MCUB: variants seen among roughly 807,000 people sequenced by gnomAD.
MCUB encodes mitochondrial calcium uniporter dominant negative subunit beta, also known as calcium uniporter regulatory subunit MCUb, mitochondrial.
Under a neutral mutation model 41.4 loss-of-function variants are expected in MCUB, and 46 were observed. The ratio of observed to expected loss-of-function variants is 1.11; its 90% CI spans 0.88 to 1.42. The LOEUF (loss-of-function observed/expected upper bound fraction) is 1.42, where lower values mean the gene tolerates loss of function less well. MCUB is among the 40% of genes most tolerant of loss of function. MCUB has a pLI of 0.00. For synonymous variants in MCUB, 148 were observed against 148.2 expected (o/e 1.00, Z 0.01); for missense variants, 403 against 404.9 (o/e 1.00, Z 0.04).
chr4:109,629,670 A>G (rs1345356959), intron 1 of MCUB, among the ~76,000 whole-genome samples: 1 of 152,184 alleles, frequency 6.6e-6, no homozygotes, highest in Non-Finnish European at 1.5e-5. Flanking sequence ...CTCGTTTACT[A>G]TATAGGATAT....
At position 109,602,773 on chromosome 4, in the gene MCUB, A is replaced by T. The variant is rs1345883203; in HGVS notation, c.99+42337A>T. Among the ~76,000 whole-genome samples, 13 of 152,332 alleles carry T rather than the reference A, an allele frequency of 8.5e-5. No homozygotes were observed. The South Asian group carries it at 2.7e-3, about 32-fold the overall frequency. ...TCATTGGCATTTTGATAGGGATTGCATGGAATCTGTAGATTGCTTTGGTAA... is the reference window on the plus strand; with the variant it reads ...TCATTGGCATTTTGATAGGGATTGCTTGGAATCTGTAGATTGCTTTGGTAA... On this transcript the variant is annotated intron_variant, in intron 1 of 7. Transcript: ENST00000394650.
intron 1 of MCUB, among the ~76,000 whole-genome samples, chr4:109,569,023 C>A (rs1259028451): frequency 6.6e-6 from 1 of 152,134 alleles, no homozygotes; most frequent in Admixed American, 6.6e-5. Context: ...ATACATATTA[C>A]ATTTTCTATT....
intron 1 of MCUB, among the ~76,000 whole-genome samples, chr4:109,630,418 T>TA: frequency 6.6e-6 from 1 of 152,270 alleles, no homozygotes; most frequent in Non-Finnish European, 1.5e-5. Context: ...GCTATGATCA[T>TA]ACCTCTACAT....
intron 4 of MCUB, among the ~76,000 whole-genome samples, chr4:109,675,422 T>C (rs1729550659): frequency 6.6e-6 from 1 of 152,334 alleles, no homozygotes; most frequent in East Asian, 1.9e-4. Context: ...CCACACACAC[T>C]AAGAGAGTTG....
At chr4:109,665,481 GCAAACTCTAC>G (rs1219970337) in intron 4 of MCUB, among the ~76,000 whole-genome samples, 1 of 152,094 alleles carries the variant, frequency 6.6e-6, no homozygotes, top group Non-Finnish European at 1.5e-5. Flanking sequence ...ATAGGGCCAG[GCAAACTCTAC>G]CAAACTCTAC....
intron 1 of MCUB, among the ~76,000 whole-genome samples, chr4:109,609,065 ATC>A (rs58016825): frequency 0.29 from 44,163 of 150,694 alleles, 6,647 homozygotes; most frequent in African/African-American, 0.36. Context: ...GACAAATGGG[ATC>A]TCTCTCTCTC....
intron 1 of MCUB, among the ~76,000 whole-genome samples, chr4:109,632,168 T>C (rs1728487900): frequency 6.6e-6 from 1 of 152,206 alleles, no homozygotes; most frequent in African/African-American, 2.4e-5. Context: ...GTCAGTGTAC[T>C]TTCTCTGTGA....
intron 1 of MCUB, chr4:109,648,659 A>C (rs1473688975): frequency 2.1e-5 from 9 of 436,202 alleles, no homozygotes; most frequent in Non-Finnish European, 4.1e-5. Flanking sequence ...GGCAAGTAAG[A>C]GTTCATCAAA....
intron 3 of MCUB, among the ~76,000 whole-genome samples, chr4:109,663,797 A>G (rs1729277947): frequency 6.6e-6 from 1 of 152,230 alleles, no homozygotes; most frequent in African/African-American, 2.4e-5. Flanking sequence ...GAGTATGTCA[A>G]CAGGCTCTCA....
chr4:109,577,229 C>T (rs552914215), intron 1 of MCUB, among the ~76,000 whole-genome samples: 1 of 152,300 alleles, frequency 6.6e-6, no homozygotes, highest in East Asian at 1.9e-4. Context: ...ATCCTCAGTC[C>T]AGGTTAAAAC....
intron 1 of MCUB, among the ~76,000 whole-genome samples, chr4:109,598,807 C>T (rs1272451375): frequency 6.6e-6 from 1 of 152,124 alleles, no homozygotes; most frequent in Non-Finnish European, 1.5e-5. Flanking sequence ...GTTGTTCTTT[C>T]CATAGTCAAA....
chr4:109,632,131 C>A (rs1211346627), intron 1 of MCUB, among the ~76,000 whole-genome samples: 2 of 152,160 alleles, frequency 1.3e-5, no homozygotes, highest in East Asian at 3.8e-4. Flanking sequence ...TACATCCCTC[C>A]ATTATTGAAA....
intron 1 of MCUB, among the ~76,000 whole-genome samples, chr4:109,654,483 C>T (rs1486634478): frequency 4.6e-5 from 7 of 151,820 alleles, no homozygotes; most frequent in South Asian, 4.2e-4. Flanking sequence ...TCGTGGTGGG[C>T]GCCTGTAATC....
intron 1 of MCUB, among the ~76,000 whole-genome samples, chr4:109,598,476 A>G (rs944053162): frequency 7.2e-5 from 11 of 151,930 alleles, no homozygotes; most frequent in Admixed American, 3.9e-4. Context: ...CGTGCCTGCA[A>G]TCGCAGGCAC....
chr4:109,609,292 G>A (rs975990720), intron 1 of MCUB, among the ~76,000 whole-genome samples: 1 of 152,184 alleles, frequency 6.6e-6, no homozygotes, highest in African/African-American at 2.4e-5. Flanking sequence ...GCTGCTGGTT[G>A]CCCATTTTTA....
chr4:109,673,222 C>T (rs1445804441), intron 4 of MCUB, among the ~76,000 whole-genome samples: 1 of 152,200 alleles, frequency 6.6e-6, no homozygotes, highest in African/African-American at 2.4e-5. Flanking sequence ...CTTTCACTTG[C>T]TGTTCTTTGG....
intron 1 of MCUB, among the ~76,000 whole-genome samples, chr4:109,576,828 C>T (rs1229214898): frequency 1.3e-5 from 2 of 152,066 alleles, no homozygotes; most frequent in South Asian, 4.2e-4. Flanking sequence ...AGGGCCAAGC[C>T]AGATACTCAG....
chr4:109,634,582 T>C (rs898071469), intron 1 of MCUB, among the ~76,000 whole-genome samples: 1 of 152,158 alleles, frequency 6.6e-6, no homozygotes, highest in Non-Finnish European at 1.5e-5. Flanking sequence ...ACACTGTAGA[T>C]TACTGTTGCC....
chr4:109,588,771 A>C (rs1727369136), intron 1 of MCUB, among the ~76,000 whole-genome samples: 1 of 152,220 alleles, frequency 6.6e-6, no homozygotes, highest in South Asian at 2.1e-4. Flanking sequence ...GACAAGGGCC[A>C]AGTTTTATGC....
Sources: allele counts gnomAD v4.1 joint callset (sites outside exome capture counted in the v4.1 genomes callset), GRCh38; gene constraint gnomAD v4.1.1; transcripts MANE v1.5; gene names NCBI Gene and HGNC (gene_info 2026-07-23, HGNC 2026-07-21).